CLBA1: variants seen among roughly 807,000 people sequenced by gnomAD.
CLBA1 encodes clathrin binding box of aftiphilin containing 1, also known as uncharacterized protein CLBA1.
CLBA1 carries 30 observed loss-of-function variants against 28.8 expected under a neutral mutation model. That is an observed-to-expected ratio of 1.04 (90% CI 0.78 to 1.41). CLBA1 has a LOEUF of 1.41. CLBA1 is among the 40% of genes most tolerant of loss of function. The pLI is 0.00. For missense variants in CLBA1, 451 were observed against 412.3 expected (o/e 1.09, Z -0.81); for synonymous variants, 160 against 152.8 (o/e 1.05, Z -0.35).
downstream of CLBA1, among the ~76,000 whole-genome samples, chr14:104,996,789 G>GA (rs146483749): frequency 0.012 from 1,838 of 152,284 alleles, 38 homozygotes; most frequent in African/African-American, 0.042. Context: ...AGACCCCACC[G>GA]AAGCCATGCC....
downstream of CLBA1, among the ~76,000 whole-genome samples, chr14:104,998,368 C>T (rs938060445): frequency 3.3e-5 from 5 of 151,442 alleles, no homozygotes; most frequent in Admixed American, 1.3e-4. Flanking sequence ...GAGCTGTGAT[C>T]ACACCACTGC....
rs998032106 is a variant in CLBA1, at chr14:104,986,760, C to T, written c.329C>T (p.Pro110Leu). 58 of 1,613,936 alleles carry T rather than the reference C, an allele frequency of 3.6e-5. No individual in the cohort carries two copies. In the East Asian group the frequency reaches 9.6e-4, roughly 27 times the overall value. Residue 110 changes from proline to leucine, a missense_variant, in exon 1 of 5, where the codon CCG (proline) becomes CTG (leucine). Transcript: ENST00000547315. ...GAGGGACCCACAGAACCCCAGCCAC[C>T]GAGAACCACTTCTGCCCCAAAAGAG... Reference protein sequence around the residue: ...LLEGPTEPQPPRTTSAPKECS... With the variant: ...LLEGPTEPQPLRTTSAPKECS...
At chr14:104,992,924 G>C in intron 3 of CLBA1, 24 bp from the exon 4 acceptor site, 1 of 1,539,742 alleles carries the variant, frequency 6.5e-7, no homozygotes, top group Non-Finnish European at 9.0e-7. Flanking sequence ...TGTACCGGCT[G>C]TCTGATGGGG....
downstream of CLBA1, among the ~76,000 whole-genome samples, chr14:104,997,170 G>GA (rs1397629016): frequency 1.3e-5 from 2 of 152,180 alleles, no homozygotes; most frequent in African/African-American, 4.8e-5. Flanking sequence ...ATGTTCAGCA[G>GA]AAACAGGGAC....
chr14:104,986,309 G>A lies in CLBA1; in HGVS notation c.-123G>A. 13 of 1,053,504 alleles carry A rather than the reference G, an allele frequency of 1.2e-5. No individual in the cohort carries two copies. The South Asian group carries it at 1.8e-4, about 14-fold the overall frequency. 65.3% of individuals were successfully genotyped at this position (1,053,504 alleles called of 1,614,324 possible). ...CCACTGGGCAGCCCGGGGCACTCCT[G>A]CAGCGTCCCCTGGCCCTCTCCAGGG... is the stretch of plus-strand genomic sequence containing the variant. On this transcript the variant is annotated 5_prime_UTR_variant, in exon 1 of 5. Coordinates refer to ENST00000547315, the MANE Select transcript of CLBA1 (RefSeq NM_174891.4).
rs1032026932 is a variant in CLBA1, at chr14:104,995,111, G to A, written c.*352G>A. On this transcript the variant is annotated 3_prime_UTR_variant, in exon 5 of 5. Coordinates refer to ENST00000547315, the MANE Select transcript of CLBA1 (RefSeq NM_174891.4). ...TGGCTTCTGGGCTGCTTAGTCCAGG[G>A]GGAGCAACTTGTGGCCAAATCCATG... 1 of 1,003,598 alleles carries A rather than the reference G, an allele frequency of 1.0e-6. No individual in the cohort carries two copies. Among genetic ancestry groups the A allele is most frequent in the African/African-American group, 1.7e-5 (1 of 57,818 alleles). The allele number at this position is 1,003,598 out of a possible 1,614,324, so 62.2% of individuals were successfully genotyped here. A position where few individuals can be genotyped will look rare whatever the true frequency, so the allele number is the denominator to read the frequency against.
chr14:104,991,921 C>T (rs1459190796), intron 3 of CLBA1, among the ~76,000 whole-genome samples: 4 of 151,980 alleles, frequency 2.6e-5, no homozygotes, highest in African/African-American at 7.2e-5. Flanking sequence ...ATGCCACTGC[C>T]GCCGCCACGC....
chr14:104,998,415 T>TAAAA (rs60067779), downstream of CLBA1, among the ~76,000 whole-genome samples: 1 of 146,492 alleles, frequency 6.8e-6, no homozygotes, highest in Non-Finnish European at 1.5e-5. Context: ...CCCTATCTCT[T>TAAAA]AAAAAAAAAA....
intron 2 of CLBA1, chr14:104,991,267 G>GTCAGCC: frequency 2.5e-6 from 1 of 402,266 alleles, no homozygotes; most frequent in South Asian, 2.3e-5. Flanking sequence ...CTCCTGATCT[G>GTCAGCC]TCAGCCTCAG....
chr14:104,991,944 GCACACGCCGCCACGCACACGCCGCCACA>G (rs1370867760), intron 3 of CLBA1, among the ~76,000 whole-genome samples: 2 of 150,474 alleles, frequency 1.3e-5, no homozygotes, highest in East Asian at 2.0e-4. Context: ...ATGCCACCAC[GCACACGCCGCCACGCACACGCCGCCACA>G]CACACGCCTC....
At position 104,986,894 on chromosome 14, in the gene CLBA1, G is replaced by A. The variant is rs755277864; in HGVS notation, c.423+40G>A. On this transcript the variant is annotated intron_variant, in intron 1 of 4. Coordinates refer to ENST00000547315, the MANE Select transcript of CLBA1 (RefSeq NM_174891.4). ...CTGTGGTCACCATGTTGAGTGGGAC[G>A]TGTACACACCAAGAGGCCTACAGCC... 6.3e-6 allele frequency: 10 copies of A among 1,596,582 alleles called. No individual in the cohort carries two copies. The Admixed American group carries it at 1.3e-4, about 21-fold the overall frequency.
downstream of CLBA1, among the ~76,000 whole-genome samples, chr14:104,998,183 G>C (rs891551461): frequency 3.3e-5 from 5 of 152,042 alleles, no homozygotes; most frequent in Non-Finnish European, 7.4e-5. Flanking sequence ...AAGGTGGAAG[G>C]ATTGCTTGAG....
chr14:104,992,060 G>GCCGCCACGCACACC (rs1220517513), intron 3 of CLBA1, among the ~76,000 whole-genome samples: 8 of 112,642 alleles, frequency 7.1e-5, no homozygotes, highest in East Asian at 2.6e-4. Context: ...CCACGCACAC[G>GCCGCCACGCACACC]CCGCCACGCA....
chr14:104,992,210 C>T (rs1210454091), intron 3 of CLBA1, among the ~76,000 whole-genome samples: 2 of 150,884 alleles, frequency 1.3e-5, no homozygotes, highest in Non-Finnish European at 3.0e-5. Flanking sequence ...CACACGCCAC[C>T]ACTCACATGC....
chr14:105,000,169 A>G (rs1900239314), downstream of CLBA1, among the ~76,000 whole-genome samples: 1 of 152,238 alleles, frequency 6.6e-6, no homozygotes, highest in South Asian at 2.1e-4. Context: ...CATATGTCTG[A>G]TAAGGGGTTA....
downstream of CLBA1, among the ~76,000 whole-genome samples, chr14:104,996,012 T>TG (rs1303360638): frequency 2.6e-5 from 4 of 152,208 alleles, no homozygotes; most frequent in African/African-American, 9.7e-5. Context: ...AAGTTAGACT[T>TG]TAACAAGCCA....
intron 4 of CLBA1, 106 bp from the exon 5 acceptor site, chr14:104,994,492 G>C: frequency 6.9e-7 from 1 of 1,457,504 alleles, no homozygotes. Flanking sequence ...ACCAAGGAGA[G>C]AACACTAGGG....
At position 104,985,802 on chromosome 14, in the gene CLBA1, C is replaced by T. The variant is rs1378073153; in HGVS notation, c.-630C>T. 1.4e-5 allele frequency: 4 copies of T among 289,108 alleles called. No individual in the cohort carries two copies. Among genetic ancestry groups the T allele is most frequent in the African/African-American group, 2.4e-5 (1 of 41,134 alleles). The allele number at this position is 289,108 out of a possible 1,614,324, so 17.9% of individuals were successfully genotyped here. On this transcript the variant is annotated 5_prime_UTR_variant, in exon 1 of 5. Coordinates refer to ENST00000547315, the MANE Select transcript of CLBA1 (RefSeq NM_174891.4). Reference sequence around the variant, plus strand: ...ACGCCGTTGCCAGGCAACGGGGCGGCGCAGGCAGGAGGGAACGGCTGGTTG... The same window carrying T: ...ACGCCGTTGCCAGGCAACGGGGCGGTGCAGGCAGGAGGGAACGGCTGGTTG...
chr14:104,991,977 C>T (rs1039548807), intron 3 of CLBA1, among the ~76,000 whole-genome samples: 5 of 150,542 alleles, frequency 3.3e-5, no homozygotes, highest in Admixed American at 6.6e-5. Context: ...GCCACACACA[C>T]GCCTCACACG....
Sources: gnomAD v4.1 joint callset for allele counts (sites outside exome capture counted in the v4.1 genomes callset) on GRCh38, gnomAD v4.1.1 for gene constraint, MANE v1.5 for transcripts, NCBI Gene and HGNC (gene_info 2026-07-23, HGNC 2026-07-21) for gene names.